ATP10B: variants seen among roughly 807,000 people sequenced by gnomAD.
ATP10B encodes the protein ATPase phospholipid transporting 10B (putative), also known as phospholipid-transporting ATPase VB.
A neutral mutation model predicts 141.2 loss-of-function variants in ATP10B; 122 were observed. The observed-to-expected ratio is 0.86, with a 90% CI of 0.75 to 1.00. ATP10B has a LOEUF of 1.00. Ranked by LOEUF, ATP10B falls within the 50% of genes least tolerant of loss-of-function variation. ATP10B has a pLI of 0.00. For synonymous variants in ATP10B, 685 were observed against 692.0 expected (o/e 0.99, Z 0.16); for missense variants, 1,876 against 1,825.3 (o/e 1.03, Z -0.51).
chr5:160,856,621 TATA>T (rs1754005928), upstream of ATP10B, among the ~76,000 whole-genome samples: 1 of 151,938 alleles, frequency 6.6e-6, no homozygotes, highest in African/African-American at 2.4e-5. Flanking sequence ...CACTAATAAG[TATA>T]ATGTTAGCTG....
intron 1 of ATP10B, among the ~76,000 whole-genome samples, chr5:160,811,344 G>C (rs1299995108): frequency 2.0e-5 from 3 of 152,166 alleles, no homozygotes; most frequent in Non-Finnish European, 4.4e-5. Context: ...TACCAGCTCA[G>C]CTACAGGGGA....
chr5:160,583,014 G>A (rs1755654725), intron 24 of ATP10B, among the ~76,000 whole-genome samples: 2 of 152,048 alleles, frequency 1.3e-5, no homozygotes, highest in Non-Finnish European at 2.9e-5. Context: ...TCCTTGCATT[G>A]CATTAGAACA....
At chr5:160,826,543 A>G (rs1038116313) in intron 1 of ATP10B, among the ~76,000 whole-genome samples, 1 of 152,130 alleles carries the variant, frequency 6.6e-6, no homozygotes, top group African/African-American at 2.4e-5. Flanking sequence ...TGAATATGAA[A>G]TCAGTGCACC....
At chr5:160,902,843 A>T in the ATP10B span, among the ~76,000 whole-genome samples, 1 of 152,186 alleles carries the variant, frequency 6.6e-6, no homozygotes, top group African/African-American at 2.4e-5. Flanking sequence ...GATAGAGAAA[A>T]CAAAAATCAC....
intron 7 of ATP10B, among the ~76,000 whole-genome samples, chr5:160,654,744 T>C (rs979375513): frequency 1.3e-5 from 2 of 152,180 alleles, no homozygotes; most frequent in African/African-American, 2.4e-5. Context: ...TCCTCTCCTG[T>C]TATTATTATT....
rs570990507 is a variant in ATP10B at position 160,799,638 on chromosome 5, T to C, written c.-575-13835A>G. Among the ~76,000 whole-genome samples, 27 of 152,312 alleles carry C rather than the reference T, an allele frequency of 1.8e-4. No homozygotes were observed. In the South Asian group the frequency reaches 2.1e-3, roughly 12 times the overall value. On this transcript the variant is annotated intron_variant, in intron 1 of 25. Coordinates refer to ENST00000327245, the MANE Select transcript of ATP10B (RefSeq NM_025153.3). ...AAATCAATGGATGACTGGATTCAGA[T>C]GAACATTTACAGTCTGAATTTTGCC...
intron 7 of ATP10B, among the ~76,000 whole-genome samples, chr5:160,655,580 T>C (rs1204530993): frequency 1.3e-5 from 2 of 152,122 alleles, no homozygotes; most frequent in African/African-American, 4.8e-5. Flanking sequence ...GGTGAGGAGA[T>C]GCAAAGCAGA....
At chr5:160,880,736 T>G in the ATP10B span, among the ~76,000 whole-genome samples, 1 of 152,118 alleles carries the variant, frequency 6.6e-6, no homozygotes, top group East Asian at 1.9e-4. Context: ...CAACTGGACA[T>G]TCACATGCCA....
At chr5:160,923,950 A>G in the ATP10B span, among the ~76,000 whole-genome samples, 1 of 152,244 alleles carries the variant, frequency 6.6e-6, no homozygotes, top group South Asian at 2.1e-4. Flanking sequence ...CCTTGGAGAG[A>G]CCAACACTCT....
intron 3 of ATP10B, among the ~76,000 whole-genome samples, chr5:160,689,947 C>A (rs1447766096): frequency 6.6e-6 from 1 of 151,992 alleles, no homozygotes; most frequent in African/African-American, 2.4e-5. Context: ...TGCTACCTGA[C>A]TTCAAACTAT....
At chr5:160,895,204 A>G in the ATP10B span, among the ~76,000 whole-genome samples, 1 of 147,016 alleles carries the variant, frequency 6.8e-6, no homozygotes, top group Non-Finnish European at 1.5e-5. Flanking sequence ...ACACATAACA[A>G]TATTAATCTT....
the ATP10B span, among the ~76,000 whole-genome samples, chr5:160,887,277 AT>A: frequency 6.6e-6 from 1 of 152,170 alleles, no homozygotes; most frequent in African/African-American, 2.4e-5. Context: ...AATTAAAATC[AT>A]CTCTATATTA....
intron 6 of ATP10B, 21 bp from the exon 7 acceptor site, chr5:160,670,688 G>A: frequency 1.2e-6 from 2 of 1,606,488 alleles, no homozygotes. Context: ...AGAAAGACAG[G>A]GTGTGAGTGA....
At position 160,642,117 on chromosome 5, in the gene ATP10B, C is replaced by T. The variant is rs369184409; in HGVS notation, c.869-1525G>A. 1.5e-4 allele frequency among the ~76,000 whole-genome samples: 23 copies of T among 152,202 alleles called. 1 individual carries two copies. Among genetic ancestry groups the T allele is most frequent in the East Asian group, 1.2e-3 (6 of 5,184 alleles). On this transcript the variant is annotated intron_variant, in intron 9 of 25. Coordinates refer to ENST00000327245, the MANE Select transcript of ATP10B (RefSeq NM_025153.3). ...TGGATAAGAGTGTGGGCTCTAGAGT[C>T]GGAGCTCAGCTCTGTGGATACTTGA... is the stretch of plus-strand genomic sequence containing the variant.
intron 1 of ATP10B, among the ~76,000 whole-genome samples, chr5:160,835,636 C>T (rs139076002): frequency 4.6e-5 from 7 of 152,198 alleles, no homozygotes; most frequent in African/African-American, 1.4e-4. Context: ...TCATTTTCAA[C>T]CAAAGAGACT....
At chr5:160,591,026 T>C (rs768067511) in intron 23 of ATP10B, 33 bp downstream of exon 23, 3 of 1,528,702 alleles carry the variant, frequency 2.0e-6, no homozygotes, top group Non-Finnish European at 2.7e-6. Flanking sequence ...TTCTCTGCAA[T>C]TTATGTGGTT....
rs1410976605 is a variant in ATP10B at position 160,563,185 on chromosome 5, TATC to T, written c.*2265_*2267del. ...AGGATGACATTTCCAATCAGTAAAA[TATC>T]ATAAAAGTATAAAAATGTACTAAGT... On this transcript the variant is annotated 3_prime_UTR_variant, in exon 26 of 26. Coordinates refer to ENST00000327245, the MANE Select transcript of ATP10B (RefSeq NM_025153.3). 2 of 152,176 alleles carry T rather than the reference TATC, an allele frequency of 1.3e-5. No individual in the cohort carries two copies. The highest frequency in any genetic ancestry group is 2.9e-5 in the Non-Finnish European group (2 of 68,024). 9.4% of individuals were successfully genotyped at this position (152,176 alleles called of 1,614,324 possible). A position where few individuals can be genotyped will look rare whatever the true frequency, so the allele number is the denominator to read the frequency against.
the ATP10B span, among the ~76,000 whole-genome samples, chr5:160,926,773 T>C: frequency 2.6e-5 from 4 of 152,098 alleles, no homozygotes; most frequent in African/African-American, 9.7e-5. Context: ...AGTTGATTCT[T>C]GAGGTAGCTG....
chr5:160,789,999 C>T (rs1226788651), intron 1 of ATP10B, among the ~76,000 whole-genome samples: 1 of 152,114 alleles, frequency 6.6e-6, no homozygotes, highest in Admixed American at 6.6e-5. Flanking sequence ...CCTCTTCGAG[C>T]TTCTGTCCCA....
Sources: gnomAD v4.1 joint callset for allele counts (sites outside exome capture counted in the v4.1 genomes callset) on GRCh38, gnomAD v4.1.1 for gene constraint, MANE v1.5 for transcripts, NCBI Gene and HGNC (gene_info 2026-07-23, HGNC 2026-07-21) for gene names.